The following SRD5A2 variants were observed in gnomAD, a reference collection of about 807,000 sequenced individuals.
The protein encoded by SRD5A2 is steroid 5 alpha-reductase 2, also known as 3-oxo-5-alpha-steroid 4-dehydrogenase 2.
SRD5A2 carries 30 observed loss-of-function variants against 27.4 expected under a neutral mutation model. The observed-to-expected ratio is 1.10, with a 90% CI of 0.82 to 1.49. The LOEUF (loss-of-function observed/expected upper bound fraction) is 1.49, where lower values mean the gene tolerates loss of function less well. Ranked by LOEUF, SRD5A2 falls within the 40% of genes most tolerant of loss-of-function variation. The pLI, the probability that SRD5A2 is intolerant of heterozygous loss-of-function variation, is 0.00. For missense variants in SRD5A2, 348 were observed against 323.4 expected (o/e 1.08, Z -0.58); for synonymous variants, 141 against 133.6 (o/e 1.06, Z -0.38).
At chr2:31,531,514 G>T in intron 2 of SRD5A2, 42 bp from the exon 3 acceptor site, 1 of 1,276,086 alleles carries the variant, frequency 7.8e-7, no homozygotes, top group Non-Finnish European at 1.1e-6. Context: ...TTTTAAATGT[G>T]TCCAGATTGT....
chr2:31,549,889 C>T (rs1558364837), intron 1 of SRD5A2, among the ~76,000 whole-genome samples: 1 of 152,142 alleles, frequency 6.6e-6, no homozygotes. Flanking sequence ...TATCAACCAA[C>T]AAGATATAAT....
chr2:31,569,144 G>A (rs1666798996), intron 1 of SRD5A2, among the ~76,000 whole-genome samples: 1 of 152,240 alleles, frequency 6.6e-6, no homozygotes, highest in Non-Finnish European at 1.5e-5. Flanking sequence ...CCTGTTCCTG[G>A]CCGTGCCAGC....
At chr2:31,582,260 A>G (rs556644542), upstream of SRD5A2, among the ~76,000 whole-genome samples, 9 of 151,800 alleles carry the variant, frequency 5.9e-5, no homozygotes, top group East Asian at 1.4e-3. Context: ...ATCTCCATCC[A>G]CTTCTGCTGG....
At chr2:31,622,743 G>T in the SRD5A2 span, among the ~76,000 whole-genome samples, 1 of 151,940 alleles carries the variant, frequency 6.6e-6, no homozygotes, top group South Asian at 2.1e-4. Context: ...AACTTTTTTT[G>T]GTATAAGTTT....
the SRD5A2 span, among the ~76,000 whole-genome samples, chr2:31,623,108 C>A: frequency 6.6e-6 from 1 of 152,038 alleles, no homozygotes; most frequent in South Asian, 2.1e-4. Flanking sequence ...TCAAAGCTCT[C>A]GTCTCCTTTG....
the SRD5A2 span, among the ~76,000 whole-genome samples, chr2:31,648,843 C>T: frequency 6.6e-6 from 1 of 152,276 alleles, no homozygotes; most frequent in East Asian, 1.9e-4. Flanking sequence ...TATGCTTTGT[C>T]CTCTGAGTAG....
the SRD5A2 span, among the ~76,000 whole-genome samples, chr2:31,620,473 C>T: frequency 1.3e-5 from 2 of 152,134 alleles, no homozygotes; most frequent in African/African-American, 4.8e-5. Context: ...ACCTGATAAG[C>T]AACTTCAGCA....
the SRD5A2 span, among the ~76,000 whole-genome samples, chr2:31,621,794 C>A: frequency 6.6e-6 from 1 of 151,938 alleles, no homozygotes; most frequent in Non-Finnish European, 1.5e-5. Context: ...ATACCACCAC[C>A]CCTGGCTAAT....
the SRD5A2 span, among the ~76,000 whole-genome samples, chr2:31,628,430 C>G: frequency 1.3e-5 from 2 of 152,082 alleles, no homozygotes; most frequent in Non-Finnish European, 2.9e-5. Context: ...TCCAACTTGC[C>G]AACTCTGTGT....
the SRD5A2 span, among the ~76,000 whole-genome samples, chr2:31,620,315 T>C: frequency 6.6e-6 from 1 of 152,162 alleles, no homozygotes; most frequent in Admixed American, 6.6e-5. Context: ...CTATTCAGCA[T>C]AGTATTGGAA....
chr2:31,652,431 A>T, the SRD5A2 span, among the ~76,000 whole-genome samples: 7 of 151,954 alleles, frequency 4.6e-5, no homozygotes, highest in African/African-American at 1.7e-4. Flanking sequence ...TTCCAGCTAT[A>T]TTTTTTCTAA....
the SRD5A2 span, among the ~76,000 whole-genome samples, chr2:31,617,021 T>C: frequency 6.6e-6 from 1 of 152,182 alleles, no homozygotes; most frequent in Non-Finnish European, 1.5e-5. Context: ...GATGGTTTTA[T>C]AAGGGGAAGC....
chr2:31,660,827 T>C, the SRD5A2 span, among the ~76,000 whole-genome samples: 1 of 151,892 alleles, frequency 6.6e-6, no homozygotes, highest in East Asian at 1.9e-4. Flanking sequence ...ATAAACAAAA[T>C]AGAGTCCCAT....
At chr2:31,536,394 T>G (rs1029522791) in intron 1 of SRD5A2, among the ~76,000 whole-genome samples, 4 of 152,200 alleles carry the variant, frequency 2.6e-5, no homozygotes, top group African/African-American at 9.7e-5. Flanking sequence ...CCAAGGAATC[T>G]TCTGCATCTA....
chr2:31,535,552 G>A (rs1666008322), intron 1 of SRD5A2, among the ~76,000 whole-genome samples: 1 of 152,164 alleles, frequency 6.6e-6, no homozygotes, highest in Non-Finnish European at 1.5e-5. Flanking sequence ...TTAAAAAGCT[G>A]AAGGGGAAAG....
the SRD5A2 span, among the ~76,000 whole-genome samples, chr2:31,588,583 G>A: frequency 0.01 from 1,564 of 152,132 alleles, 94 homozygotes; most frequent in Admixed American, 0.091. Flanking sequence ...AAAAGCTGAG[G>A]AATTTCATCA....
At chr2:31,529,181 T>C (rs1314517270) in intron 4 of SRD5A2, 126 bp downstream of exon 4, 5 of 1,335,168 alleles carry the variant, frequency 3.7e-6, no homozygotes, top group Non-Finnish European at 5.1e-6. Context: ...TAACCCAGAT[T>C]ATAGTATCAA....
the SRD5A2 span, among the ~76,000 whole-genome samples, chr2:31,589,510 G>A: frequency 5.3e-5 from 8 of 152,226 alleles, no homozygotes; most frequent in East Asian, 1.5e-3. Context: ...CCTGGTCTCA[G>A]CGAGAGAACA....
chr2:31,570,324 ACCT>A, intron 1 of SRD5A2, among the ~76,000 whole-genome samples: 1 of 152,226 alleles, frequency 6.6e-6, no homozygotes, highest in Middle Eastern at 3.4e-3. Flanking sequence ...ACAACTAAAC[ACCT>A]CATCATGTTA....
Sources: allele counts gnomAD v4.1 joint callset (sites outside exome capture counted in the v4.1 genomes callset), GRCh38; gene constraint gnomAD v4.1.1; transcripts MANE v1.5; gene names NCBI Gene and HGNC (gene_info 2026-07-23, HGNC 2026-07-21).